Variants in ABLIM3 observed in about 807,000 individuals in gnomAD.
ABLIM3 encodes actin binding LIM protein family member 3.
In ABLIM3, 61 loss-of-function variants were observed where a neutral mutation model predicts 109.5. The ratio of observed to expected loss-of-function variants is 0.56; its 90% CI spans 0.45 to 0.69. The LOEUF (loss-of-function observed/expected upper bound fraction) is 0.69. Among genes scored for constraint, ABLIM3 ranks in the 30% least tolerant of loss-of-function variants. ABLIM3 has a pLI of 0.00. For synonymous variants in ABLIM3, 300 were observed against 324.8 expected, an observed-to-expected ratio of 0.92 and a Z score of 0.82; for missense variants, 796 against 889.5, an observed-to-expected ratio of 0.89 and a Z score of 1.34.
chr5:149,221,532 A>T (rs1760652344), intron 8 of ABLIM3, among the ~76,000 whole-genome samples: 1 of 152,130 alleles, frequency 6.6e-6, no homozygotes, highest in African/African-American at 2.4e-5. Context: ...GTCTGTCTGG[A>T]GGAGAACTTC....
At chr5:149,207,871 A>G (rs774750149) in intron 6 of ABLIM3, among the ~76,000 whole-genome samples, 1 of 152,274 alleles carries the variant, frequency 6.6e-6, no homozygotes, top group African/African-American at 2.4e-5. Flanking sequence ...GCAGTATTAG[A>G]CAAGTGTCCT....
intron 3 of ABLIM3, among the ~76,000 whole-genome samples, chr5:149,191,434 T>C (rs1757464224): frequency 6.6e-6 from 1 of 152,188 alleles, no homozygotes; most frequent in Non-Finnish European, 1.5e-5. Flanking sequence ...TGTGAATTTG[T>C]AGTTAAAACT....
intron 7 of ABLIM3, among the ~76,000 whole-genome samples, chr5:149,211,841 G>A (rs1165052487): frequency 6.6e-6 from 1 of 152,042 alleles, no homozygotes; most frequent in Non-Finnish European, 1.5e-5. Flanking sequence ...GATAGAGGAA[G>A]AATGAGCTTG....
At position 149,200,339 on chromosome 5, in the gene ABLIM3, A is replaced by G. The variant is rs143160468; in HGVS notation, c.359A>G (p.Lys120Arg). The G allele has an allele frequency of 6.2e-6, 10 of 1,614,102 alleles. No homozygotes were observed. Among genetic ancestry groups the G allele is most frequent in the Middle Eastern group, 1.6e-4 (1 of 6,084 alleles). ...AGGAAGCCTTTCCCCATTGGAGACAAGGTGACCTTCAGCGGTAAAGAATGT... is the reference window on the plus strand; with the variant it reads ...AGGAAGCCTTTCCCCATTGGAGACAGGGTGACCTTCAGCGGTAAAGAATGT... ...LCRKPFPIGDKVTFSGKECVC... is the reference protein window; with the variant it reads ...LCRKPFPIGDRVTFSGKECVC... Residue 120 changes from lysine to arginine, a missense_variant, in exon 5 of 24, where the codon AAG (lysine) becomes AGG (arginine). Coordinates refer to ENST00000309868, the MANE Select transcript of ABLIM3 (RefSeq NM_014945.5).
intron 23 of ABLIM3, among the ~76,000 whole-genome samples, chr5:149,253,444 T>C (rs1420718007): frequency 6.6e-6 from 1 of 152,174 alleles, no homozygotes; most frequent in Middle Eastern, 3.2e-3. Flanking sequence ...ATTGGTGTGC[T>C]TCCCCCATGC....
chr5:149,236,454 A>G (rs1202560095), intron 10 of ABLIM3, among the ~76,000 whole-genome samples: 13 of 152,092 alleles, frequency 8.5e-5, no homozygotes, highest in Admixed American at 8.5e-4. Context: ...AGGACCTTGC[A>G]AGACAGATCC....
At chr5:149,250,153 C>G (rs1283146278) in intron 19 of ABLIM3, among the ~76,000 whole-genome samples, 1 of 152,134 alleles carries the variant, frequency 6.6e-6, no homozygotes, top group Non-Finnish European at 1.5e-5. Context: ...CCAGAGCCAG[C>G]CTGTGGCCAG....
intron 3 of ABLIM3, among the ~76,000 whole-genome samples, chr5:149,193,399 A>T (rs1757678343): frequency 1.3e-5 from 2 of 152,052 alleles, no homozygotes; most frequent in African/African-American, 4.8e-5. Context: ...AATAAATTTT[A>T]TAAAGTTGTA....
chr5:149,172,344 T>C (rs1392551942), intron 2 of ABLIM3, among the ~76,000 whole-genome samples: 1 of 152,258 alleles, frequency 6.6e-6, no homozygotes, highest in Non-Finnish European at 1.5e-5. Flanking sequence ...CATATTCGTG[T>C]ACTGAGTCAT....
chr5:149,245,914 G>C (rs1753306110), intron 16 of ABLIM3, among the ~76,000 whole-genome samples: 2 of 152,238 alleles, frequency 1.3e-5, no homozygotes, highest in African/African-American at 4.8e-5. Flanking sequence ...CGTAATCCCA[G>C]CACTTTGGGA....
chr5:149,186,679 GA>G (rs985672822), intron 3 of ABLIM3, among the ~76,000 whole-genome samples: 1 of 152,018 alleles, frequency 6.6e-6, no homozygotes, highest in African/African-American at 2.4e-5. Context: ...GTGTTATCAG[GA>G]AAATGAGTAA....
chr5:149,180,514 G>A (rs566914176), intron 2 of ABLIM3, among the ~76,000 whole-genome samples: 2 of 152,246 alleles, frequency 1.3e-5, no homozygotes, highest in South Asian at 2.1e-4. Context: ...GAGTTCCTAC[G>A]TCCAGTCTGC....
chr5:149,163,255 T>G lies in ABLIM3; in HGVS notation c.14-20197T>G, dbSNP rs569778250. ...AAAGGAGACCACTCCTTACAACATG[T>G]TGGGATCCTCTAAGCAGCAGATGAT... On this transcript the variant is annotated intron_variant, in intron 2 of 23. Coordinates refer to ENST00000309868, the MANE Select transcript of ABLIM3 (RefSeq NM_014945.5). 5.3e-5 allele frequency among the ~76,000 whole-genome samples: 8 copies of G among 152,312 alleles called. No individual in the cohort carries two copies. In the East Asian group the frequency reaches 1.5e-3, roughly 29 times the overall value.
At chr5:149,171,450 A>C (rs1755416364) in intron 2 of ABLIM3, among the ~76,000 whole-genome samples, 1 of 152,212 alleles carries the variant, frequency 6.6e-6, no homozygotes, top group African/African-American at 2.4e-5. Flanking sequence ...TAGATGGAGA[A>C]ACTAAGGATC....
rs566840903 is a variant in ABLIM3, at chr5:149,187,681, C to T, written c.151+4092C>T. On this transcript the variant is annotated intron_variant, in intron 3 of 23. Transcript: ENST00000309868. ...TTTTCAATTACCTACTCCACCCTGA[C>T]TCATTCCGATTTCCTACCCCACCCT... 1.2e-4 allele frequency among the ~76,000 whole-genome samples: 18 copies of T among 152,288 alleles called. 1 individual carries two copies. Among genetic ancestry groups the T allele is most frequent in the African/African-American group, 4.3e-4 (18 of 41,550 alleles).
rs1387349620 is a variant in ABLIM3, at chr5:149,244,883, G to A, written c.1354G>A (p.Asp452Asn). The A allele has an allele frequency of 6.2e-7, 1 of 1,614,062 alleles. No individual in the cohort carries two copies. The highest frequency in any genetic ancestry group is 1.3e-5 in the African/African-American group (1 of 74,918). ...RKPPIYKRHG[D>N]LSTATKSKTS... The stretch of plus-strand genomic sequence containing the variant: ...TGCTCTCCTTGGGTCCTCTGCAGGT[G>A]ATTTGTCTACAGCAACCAAGAGCAA... Residue 452 changes from aspartate to asparagine, a missense_variant and splice_region_variant, in exon 16 of 24, where the codon GAT becomes AAT. By Grantham distance (23) the Asp-to-Asn change is conservative. Transcript: ENST00000309868.
At position 149,237,852 on chromosome 5, in the gene ABLIM3, C is replaced by T. The variant is rs563735987; in HGVS notation, c.1044+249C>T. Among the ~76,000 whole-genome samples the T allele has an allele frequency of 3.6e-4, 55 of 152,286 alleles. 2 individuals carry two copies. In the South Asian group the frequency reaches 0.011, roughly 29 times the overall value. On this transcript the variant is annotated intron_variant, in intron 11 of 23. Transcript: ENST00000309868. ...ATCTGGAGATGGGAAGCAGCACCCC[C>T]TATAGACAGGACATGAGCTTTCCAT...
chr5:149,234,289 G>A (rs574265087), intron 10 of ABLIM3, among the ~76,000 whole-genome samples: 1 of 152,290 alleles, frequency 6.6e-6, no homozygotes, highest in Admixed American at 6.5e-5. Context: ...GAGCTGAAAC[G>A]AGCAGAAAAC....
chr5:149,233,105 A>G, intron 9 of ABLIM3, 124 bp from the exon 10 acceptor site: 1 of 844,162 alleles, frequency 1.2e-6, no homozygotes, highest in Non-Finnish European at 2.0e-6. Flanking sequence ...AAAAGGAAGT[A>G]CAGAAGTAGC....
Sources: gnomAD v4.1 joint callset for allele counts (sites outside exome capture counted in the v4.1 genomes callset) on GRCh38, gnomAD v4.1.1 for gene constraint, MANE v1.5 for transcripts, NCBI Gene and HGNC (gene_info 2026-07-23, HGNC 2026-07-21) for gene names.